Variants in ZNF76 observed in about 807,000 individuals in gnomAD.
The protein encoded by ZNF76 is zinc finger protein 76, also known as zinc finger protein 523.
A neutral mutation model predicts 66.9 loss-of-function variants in ZNF76; 66 were observed. That is an observed-to-expected ratio of 0.99 (90% CI 0.81 to 1.21). The LOEUF (loss-of-function observed/expected upper bound fraction) is 1.21, where lower values mean the gene tolerates loss of function less well. Among genes scored for constraint, ZNF76 ranks in the 50% most tolerant of loss-of-function variants. The pLI is 0.00. For missense variants in ZNF76, 729 were observed against 760.3 expected (o/e 0.96, Z 0.48); for synonymous variants, 275 against 296.1 (o/e 0.93, Z 0.73).
At position 35,295,754 on chromosome 6, in the gene ZNF76, T is replaced by G; in HGVS notation, c.*506T>G. The G allele has an allele frequency of 4.9e-6, 1 of 205,516 alleles. No individual in the cohort carries two copies. Among genetic ancestry groups the G allele is most frequent in the Non-Finnish European group, 1.0e-5 (1 of 97,398 alleles). 12.7% of individuals were successfully genotyped at this position (205,516 alleles called of 1,614,324 possible). On this transcript the variant is annotated 3_prime_UTR_variant, in exon 14 of 14. Coordinates refer to ENST00000373953, the MANE Select transcript of ZNF76 (RefSeq NM_003427.5). ...GGGACTTCCTGACACCACAGTCAATTAATTCCTCAGGGGCCTGTGGCTGAA... is the reference window on the plus strand; with the variant it reads ...GGGACTTCCTGACACCACAGTCAATGAATTCCTCAGGGGCCTGTGGCTGAA...
Position 35,290,356 on chromosome 6 carries a change from C to G in ZNF76, c.523C>G (p.Leu175Val). The change falls in exon 6 of 14, where the codon CTC (leucine) becomes GTC (valine). Residue 175 changes from leucine to valine, a missense_variant. Coordinates refer to ENST00000373953, the MANE Select transcript of ZNF76 (RefSeq NM_003427.5). ...CTGTGGCTACAAGGGCTGTGGGCGTCTCTACACCACCGCTCATCACTTAAA... is the reference window on the plus strand; with the variant it reads ...CTGTGGCTACAAGGGCTGTGGGCGTGTCTACACCACCGCTCATCACTTAAA... ...FRCGYKGCGR[L>V]YTTAHHLKVH... 4 of 1,614,114 alleles carry G rather than the reference C, an allele frequency of 2.5e-6. No individual in the cohort carries two copies. The highest frequency in any genetic ancestry group is 3.4e-6 in the Non-Finnish European group (4 of 1,179,998).
At chr6:35,290,538 C>T (rs530912508) in intron 6 of ZNF76, 103 bp from the exon 7 acceptor site, 23 of 1,521,696 alleles carry the variant, frequency 1.5e-5, no homozygotes, top group South Asian at 1.1e-4. Context: ...GCTTGACACA[C>T]ATGAATGGTA....
chr6:35,282,469 G>A (rs1788923040), intron 2 of ZNF76, among the ~76,000 whole-genome samples: 1 of 152,098 alleles, frequency 6.6e-6, no homozygotes, highest in South Asian at 2.1e-4. Context: ...TAAAATCAAG[G>A]TAGGTGTGGA....
intron 1 of ZNF76, among the ~76,000 whole-genome samples, chr6:35,272,962 A>G (rs1228469034): frequency 2.6e-5 from 4 of 152,024 alleles, no homozygotes; most frequent in Non-Finnish European, 5.9e-5. Context: ...GAGACCAGCC[A>G]GGCCAACATG....
intron 9 of ZNF76, 118 bp downstream of exon 9, chr6:35,291,855 C>G: frequency 7.9e-7 from 1 of 1,268,772 alleles, no homozygotes; most frequent in Non-Finnish European, 1.1e-6. Context: ...GCCAGCCATT[C>G]CAGGCTGGTC....
At position 35,291,421 on chromosome 6, in the gene ZNF76, C is replaced by T. The variant is rs765223973; in HGVS notation, c.751+18C>T. 24 of 1,614,094 alleles carry T rather than the reference C, an allele frequency of 1.5e-5. No individual in the cohort carries two copies. The highest frequency in any genetic ancestry group is 1.7e-5 in the Non-Finnish European group (20 of 1,179,978). On this transcript the variant is annotated intron_variant, in intron 8 of 13. Coordinates refer to ENST00000373953, the MANE Select transcript of ZNF76 (RefSeq NM_003427.5). The stretch of plus-strand genomic sequence containing the variant: ...CCACACTGGTATGCTGGGCCCTGCC[C>T]ACTCCAACCCCATTCCCTGGGCAAA...
At chr6:35,283,931 G>C (rs1398506406) in intron 2 of ZNF76, among the ~76,000 whole-genome samples, 1 of 152,164 alleles carries the variant, frequency 6.6e-6, no homozygotes, top group African/African-American at 2.4e-5. Flanking sequence ...ACCCCAAGAA[G>C]ACTCAGTTTG....
chr6:35,280,297 G>C (rs1368043979), intron 1 of ZNF76, among the ~76,000 whole-genome samples: 1 of 152,138 alleles, frequency 6.6e-6, no homozygotes, highest in Non-Finnish European at 1.5e-5. Context: ...GGAGTTCGAG[G>C]TTACAGTGAA....
chr6:35,294,830 GTCTCTGTT>G, intron 13 of ZNF76: 1 of 570,944 alleles, frequency 1.8e-6, no homozygotes, highest in Non-Finnish European at 3.1e-6. Flanking sequence ...ATCATTTTGT[GTCTCTGTT>G]TCTTCATCTG....
intron 1 of ZNF76, among the ~76,000 whole-genome samples, chr6:35,265,807 G>A (rs1402543662): frequency 6.6e-6 from 1 of 152,004 alleles, no homozygotes; most frequent in Non-Finnish European, 1.5e-5. Context: ...TGCGGTGGGG[G>A]TGAATTGGGG....
In ZNF76 at chr6:35,292,348, G is replaced by C; in HGVS notation, c.932-206G>C. On this transcript the variant is annotated intron_variant, in intron 9 of 13. Transcript: ENST00000373953. This position sits in a 1 kb window ranked among gnomAD's most constrained non-coding sequence, Gnocchi z 4.7. ...CTGTCCCCCGTTTCCTTTCCGCCTT[G>C]TCTCTGGATTCAGTGGTTCAACACC... 1 of 605,628 alleles carries C rather than the reference G, an allele frequency of 1.7e-6. No individual in the cohort carries two copies. The highest frequency in any genetic ancestry group is 3.0e-6 in the Non-Finnish European group (1 of 335,930). 37.5% of individuals were successfully genotyped at this position (605,628 alleles called of 1,614,324 possible). A position where few individuals can be genotyped will look rare whatever the true frequency, so the allele number is the denominator to read the frequency against.
chr6:35,270,400 A>C (rs1786859336), intron 1 of ZNF76: 1 of 151,968 alleles, frequency 6.6e-6, no homozygotes. Flanking sequence ...CTCCCAAAGT[A>C]CTGATTATAG....
At chr6:35,272,328 G>A (rs1479367692) in intron 1 of ZNF76, among the ~76,000 whole-genome samples, 1 of 152,104 alleles carries the variant, frequency 6.6e-6, no homozygotes, top group Non-Finnish European at 1.5e-5. Flanking sequence ...AATTAGCCAG[G>A]CTTGGTAGTG....
Position 35,293,896 on chromosome 6 carries a change from A to T in ZNF76, c.1475A>T (p.Asp492Val), listed in dbSNP as rs149978450. The change falls in exon 12 of 14, where the codon GAT becomes GTT. Residue 492 changes from aspartate (D) to valine (V), a missense_variant. Coordinates refer to ENST00000373953, the MANE Select transcript of ZNF76 (RefSeq NM_003427.5). ...GTHTVTMVSA[D>V]GTQTQPVTII... Reference sequence around the variant, plus strand: ...CATACAGTCACCATGGTCAGCGCCGATGGCACCCAGACGCAGCCCGTATGA... The same window carrying T: ...CATACAGTCACCATGGTCAGCGCCGTTGGCACCCAGACGCAGCCCGTATGA... The T allele has an allele frequency of 1.1e-4, 185 of 1,614,018 alleles. No individual in the cohort carries two copies. The African/African-American group carries it at 2.3e-3, about 20-fold the overall frequency.
At chr6:35,293,660 C>T (rs76527813) in intron 11 of ZNF76, 91 bp from the exon 12 acceptor site, 1 of 1,456,894 alleles carries the variant, frequency 6.9e-7, no homozygotes, top group South Asian at 1.3e-5. Context: ...AATAAGCTGA[C>T]CTTGTCTGGG....
At chr6:35,285,595 A>G (rs1414090747) in intron 2 of ZNF76, among the ~76,000 whole-genome samples, 1 of 152,240 alleles carries the variant, frequency 6.6e-6, no homozygotes, top group African/African-American at 2.4e-5. Context: ...GTTAAGAGGT[A>G]GAGCTGGAAT....
chr6:35,265,956 C>G (rs868004880), intron 1 of ZNF76, among the ~76,000 whole-genome samples: 1 of 151,870 alleles, frequency 6.6e-6, no homozygotes, highest in Admixed American at 6.6e-5. Flanking sequence ...TAAGCTATAA[C>G]GGGGCAAAAA....
At chr6:35,286,494 G>T in intron 4 of ZNF76, 95 bp downstream of exon 4, 2 of 1,157,480 alleles carry the variant, frequency 1.7e-6, no homozygotes, top group South Asian at 2.5e-5. Context: ...CACAACTGGG[G>T]TGTAGACATG....
At chr6:35,284,185 G>A (rs1789192139) in intron 2 of ZNF76, among the ~76,000 whole-genome samples, 4 of 151,736 alleles carry the variant, frequency 2.6e-5, no homozygotes, top group Non-Finnish European at 1.5e-5. Flanking sequence ...TTCGCCTCCC[G>A]GGTTCAAGCG....
Sources: allele counts gnomAD v4.1 joint callset (sites outside exome capture counted in the v4.1 genomes callset), GRCh38; gene constraint gnomAD v4.1.1; non-coding constraint Gnocchi (gnomAD v3.1); transcripts MANE v1.5; gene names NCBI Gene and HGNC (gene_info 2026-07-23, HGNC 2026-07-21).